Variants in TBC1D5 observed in about 807,000 individuals in gnomAD.
The protein encoded by TBC1D5 is TBC1 domain family, member 5.
Under a neutral mutation model 100.3 loss-of-function variants are expected in TBC1D5, and 75 were observed. The ratio of observed to expected loss-of-function variants is 0.75; its 90% CI spans 0.62 to 0.91. TBC1D5 has a LOEUF of 0.91. TBC1D5 is among the 40% of genes least tolerant of loss of function. The pLI is 0.00. For missense variants in TBC1D5, 910 were observed against 942.4 expected (o/e 0.97, Z 0.45); for synonymous variants, 323 against 325.6 (o/e 0.99, Z 0.09).
At chr3:17,558,832 T>C (rs578243572) in intron 2 of TBC1D5, among the ~76,000 whole-genome samples, 1 of 152,146 alleles carries the variant, frequency 6.6e-6, no homozygotes, top group Non-Finnish European at 1.5e-5. Flanking sequence ...AGTCAAGAAA[T>C]AGCATTCCTA....
In TBC1D5 at chr3:17,185,713, T is replaced by TA. The variant is rs973256913; in HGVS notation, c.1753-506dup. ...AGACTTTGTAAAAATAAAAAAAAAA[T>TA]AAAAAAAAAGACATAGCTCATCATT... On this transcript the variant is annotated intron_variant, in intron 18 of 21. Coordinates refer to ENST00000253692, the Ensembl canonical transcript of TBC1D5. Among the ~76,000 whole-genome samples the TA allele has an allele frequency of 9.7e-5, 14 of 144,834 alleles. No individual in the cohort carries two copies. The East Asian group carries it at 1.2e-3, about 12-fold the overall frequency.
At chr3:17,720,115 ATG>A (rs1391139635) in intron 1 of TBC1D5, among the ~76,000 whole-genome samples, 3 of 152,238 alleles carry the variant, frequency 2.0e-5, no homozygotes, top group Non-Finnish European at 4.4e-5. Flanking sequence ...GTATTTGTGT[ATG>A]TGTGTATTTA....
chr3:17,159,411 G>A (rs2065851228), exon 22 of TBC1D5: 1 of 152,238 alleles, frequency 6.6e-6, no homozygotes, highest in Non-Finnish European at 1.5e-5. Context: ...TCTATACTGA[G>A]CTTTCATTTG....
At chr3:17,199,749 T>G (rs1018150319) in intron 18 of TBC1D5, among the ~76,000 whole-genome samples, 1 of 152,214 alleles carries the variant, frequency 6.6e-6, no homozygotes, top group Non-Finnish European at 1.5e-5. Flanking sequence ...AAGGTGATGA[T>G]GATCAAGAGG....
intron 15 of TBC1D5, among the ~76,000 whole-genome samples, chr3:17,277,278 A>G (rs372233518): frequency 2.0e-5 from 3 of 151,862 alleles, no homozygotes; most frequent in African/African-American, 7.3e-5. Flanking sequence ...TTTTCTTCTC[A>G]CCTCCCCTCC....
intron 2 of TBC1D5, among the ~76,000 whole-genome samples, chr3:17,516,270 T>C (rs1209148458): frequency 1.3e-5 from 2 of 152,326 alleles, no homozygotes; most frequent in East Asian, 1.9e-4. Flanking sequence ...GGCAAAAACA[T>C]ACTTTTTTAT....
intron 2 of TBC1D5, among the ~76,000 whole-genome samples, chr3:17,544,303 T>C (rs2096390667): frequency 1.3e-5 from 2 of 152,188 alleles, no homozygotes; most frequent in African/African-American, 4.8e-5. Flanking sequence ...ATCACTGTAT[T>C]ACAAGTATAA....
At chr3:17,376,377 A>T in intron 10 of TBC1D5, 148 bp downstream of exon 10, 1 of 640,426 alleles carries the variant, frequency 1.6e-6, no homozygotes, top group Non-Finnish European at 2.5e-6. Context: ...AAGTAGAATT[A>T]ACAATTAACC....
intron 2 of TBC1D5, among the ~76,000 whole-genome samples, chr3:17,511,567 CAGAAGA>C (rs1303975834): frequency 6.6e-6 from 1 of 151,864 alleles, no homozygotes; most frequent in Non-Finnish European, 1.5e-5. Context: ...TTTATGTTGT[CAGAAGA>C]AAATACTCTA....
chr3:17,658,469 TAATAGGGG>T (rs1004809981), intron 1 of TBC1D5, among the ~76,000 whole-genome samples: 1 of 151,986 alleles, frequency 6.6e-6, no homozygotes, highest in Non-Finnish European at 1.5e-5. Flanking sequence ...GCTTCAGGAT[TAATAGGGG>T]AAGGGAAGGG....
intron 16 of TBC1D5, among the ~76,000 whole-genome samples, chr3:17,249,060 A>G (rs896691138): frequency 6.6e-6 from 1 of 152,096 alleles, no homozygotes; most frequent in Non-Finnish European, 1.5e-5. Flanking sequence ...AGAATTGAAG[A>G]GTTAGGGCCT....
At chr3:17,198,826 A>G (rs1192523672) in intron 18 of TBC1D5, among the ~76,000 whole-genome samples, 2 of 152,228 alleles carry the variant, frequency 1.3e-5, no homozygotes, top group Non-Finnish European at 2.9e-5. Context: ...AAAGTTTTTA[A>G]TAATTACCAA....
chr3:17,531,488 A>G (rs1469688885), intron 2 of TBC1D5, among the ~76,000 whole-genome samples: 2 of 152,242 alleles, frequency 1.3e-5, no homozygotes, highest in Non-Finnish European at 2.9e-5. Context: ...AAACTACTTT[A>G]AAGTTCATAT....
intron 13 of TBC1D5, among the ~76,000 whole-genome samples, chr3:17,332,133 T>C (rs1178662962): frequency 6.6e-6 from 1 of 152,122 alleles, no homozygotes; most frequent in Non-Finnish European, 1.5e-5. Context: ...TCTGTAATAG[T>C]TCCGATAAGA....
intron 13 of TBC1D5, among the ~76,000 whole-genome samples, chr3:17,357,766 T>C (rs923574745): frequency 6.6e-6 from 1 of 152,252 alleles, no homozygotes; most frequent in Non-Finnish European, 1.5e-5. Context: ...GTACTCTTGA[T>C]CTGACTTTAG....
In TBC1D5 at chr3:17,701,660, T is replaced by A. The variant is rs559632097; in HGVS notation, c.-101+37683A>T. ...TAAACAAAGAATATAAAAGAGAGGA[T>A]ATGAACAGTATCCAAATAAATAATC... On this transcript the variant is annotated intron_variant, in intron 1 of 21. Transcript: ENST00000253692. Among the ~76,000 whole-genome samples, 161 of 151,904 alleles carry A rather than the reference T, an allele frequency of 1.1e-3. 1 individual carries two copies. The highest frequency in any genetic ancestry group is 3.8e-3 in the African/African-American group (156 of 41,422).
intron 3 of TBC1D5, among the ~76,000 whole-genome samples, chr3:17,447,460 G>GA (rs1181748999): frequency 2.0e-5 from 3 of 152,168 alleles, no homozygotes; most frequent in Non-Finnish European, 4.4e-5. Flanking sequence ...GCCACAGGTA[G>GA]AAGAACTGAT....
chr3:17,257,539 C>T (rs1211685308), intron 16 of TBC1D5, among the ~76,000 whole-genome samples: 2 of 152,124 alleles, frequency 1.3e-5, no homozygotes, highest in African/African-American at 4.8e-5. Flanking sequence ...TTGCATGGTA[C>T]ATCAATATAT....
intron 19 of TBC1D5, among the ~76,000 whole-genome samples, chr3:17,170,340 G>A (rs1313863700): frequency 6.6e-6 from 1 of 152,188 alleles, no homozygotes; most frequent in Non-Finnish European, 1.5e-5. Flanking sequence ...CTCAGCAAGT[G>A]GAGTCAGGAG....
Sources: gnomAD v4.1 joint callset for allele counts (sites outside exome capture counted in the v4.1 genomes callset) on GRCh38, gnomAD v4.1.1 for gene constraint, MANE v1.5 for transcripts, NCBI Gene and HGNC (gene_info 2026-07-23, HGNC 2026-07-21) for gene names.